OXNAD1: variants seen among roughly 807,000 people sequenced by gnomAD.
The protein encoded by OXNAD1 is oxidoreductase NAD binding domain containing 1, also known as oxidoreductase NAD-binding domain-containing protein 1.
OXNAD1 carries 34 observed loss-of-function variants against 32.9 expected under a neutral mutation model. That is an observed-to-expected ratio of 1.03 (90% CI 0.79 to 1.38). The LOEUF (loss-of-function observed/expected upper bound fraction) is 1.38. OXNAD1 is among the 40% of genes most tolerant of loss of function. The pLI, the probability that OXNAD1 is intolerant of heterozygous loss-of-function variation, is 0.00. For missense variants in OXNAD1, 407 were observed against 379.4 expected (o/e 1.07, Z -0.60); for synonymous variants, 134 against 135.2 (o/e 0.99, Z 0.06).
downstream of OXNAD1, among the ~76,000 whole-genome samples, chr3:16,338,729 A>G (rs1210503784): frequency 6.6e-6 from 1 of 152,226 alleles, no homozygotes; most frequent in Non-Finnish European, 1.5e-5. This position sits in a 1 kb window ranked among gnomAD's most constrained non-coding sequence, Gnocchi z 5.3. Flanking sequence ...CCTATATCAT[A>G]TCTTTAGCCC....
intron 9 of OXNAD1, among the ~76,000 whole-genome samples, chr3:16,333,971 C>T (rs368309475): frequency 8.5e-5 from 13 of 152,254 alleles, no homozygotes; most frequent in East Asian, 5.8e-4. Flanking sequence ...CGAGACCATC[C>T]GGGCTAACAC....
At chr3:16,313,483 G>T (rs1206752223) in intron 9 of OXNAD1, 2 of 152,054 alleles carry the variant, frequency 1.3e-5, no homozygotes, top group Non-Finnish European at 1.5e-5. Flanking sequence ...GGGAGTAGAG[G>T]ATATACTTCC....
chr3:16,350,414 A>G (rs1013473547), downstream of OXNAD1: 2 of 152,170 alleles, frequency 1.3e-5, no homozygotes, highest in Admixed American at 6.5e-5. Flanking sequence ...GGGCATTTCA[A>G]ATTGTTAACA....
intron 4 of OXNAD1, among the ~76,000 whole-genome samples, chr3:16,274,515 A>G (rs115320635): frequency 0.021 from 3,130 of 152,382 alleles, 53 homozygotes; most frequent in South Asian, 0.046. Context: ...AGGATAATGC[A>G]ATAGTTAATG....
rs1427873772 is a variant in OXNAD1 at position 16,322,446 on chromosome 3, T to C, written c.*31-14666T>C. On this transcript the variant is annotated intron_variant, in intron 9 of 9. Transcript: ENST00000435829. The surrounding 1 kb of genome is among the most constrained non-coding windows in gnomAD (Gnocchi z 6.2). ...GAACCAAGCGTGAGGAATGCAGGAG[T>C]GATGCCAGGAGTGAGGAGCCGAGCA... Among the ~76,000 whole-genome samples the C allele has an allele frequency of 3.9e-5, 6 of 152,148 alleles. No homozygotes were observed. In the East Asian group the frequency reaches 1.2e-3, roughly 30 times the overall value.
At chr3:16,295,429 A>C (rs578256933) in intron 6 of OXNAD1, among the ~76,000 whole-genome samples, 10 of 152,272 alleles carry the variant, frequency 6.6e-5, no homozygotes, top group African/African-American at 2.4e-4. Flanking sequence ...AGCACAGCTA[A>C]ATCCACGGTG....
intron 5 of OXNAD1, among the ~76,000 whole-genome samples, chr3:16,292,079 CTCTT>C (rs538520637): frequency 8.5e-4 from 129 of 151,618 alleles, no homozygotes; most frequent in Non-Finnish European, 1.6e-3. Flanking sequence ...ATTTGGTTGT[CTCTT>C]TATTACTGAG....
At chr3:16,341,515 T>C (rs765843568), downstream of OXNAD1, among the ~76,000 whole-genome samples, 1 of 152,210 alleles carries the variant, frequency 6.6e-6, no homozygotes, top group Non-Finnish European at 1.5e-5. This position sits in a 1 kb window ranked among gnomAD's most constrained non-coding sequence, Gnocchi z 4.7. Context: ...TAAATCCATA[T>C]TACTAAGTGA....
rs2069136514 is a variant in OXNAD1 at position 16,322,170 on chromosome 3, G to T, written c.*31-14942G>T. On this transcript the variant is annotated intron_variant, in intron 9 of 9. Transcript: ENST00000435829. The surrounding 1 kb of genome is among the most constrained non-coding windows in gnomAD (Gnocchi z 6.2). ...TCCATCTTCCAGCTGGTGGCTGCCT[G>T]CTCCTGGTGGTTGATGGTGGGCTGG... Among the ~76,000 whole-genome samples, 1 of 152,224 alleles carries T rather than the reference G, an allele frequency of 6.6e-6. No homozygotes were observed. Among genetic ancestry groups the T allele is most frequent in the African/African-American group, 2.4e-5 (1 of 41,460 alleles).
At position 16,345,264 on chromosome 3, in the gene OXNAD1, T is replaced by TTGTGTGTGTGTGTGTGTGTGTGTGTG. The variant is rs10703577; in HGVS notation, c.*31-3900_*31-3875dup. On this transcript the variant is annotated intron_variant, in intron 9 of 9. Transcript: ENST00000606098. This position sits in a 1 kb window ranked among gnomAD's most constrained non-coding sequence, Gnocchi z 5.2. Reference sequence around the variant, plus strand: ...AAACTGTAAGATAATAAGTAGGTGGTTGTGTGTGTGTGTGTGTGTGTGTGT... The same window carrying TTGTGTGTGTGTGTGTGTGTGTGTGTG: ...AAACTGTAAGATAATAAGTAGGTGGTTGTGTGTGTGTGTGTGTGTGTGTGTGTGTGTGTGTGTGTGTGTGTGTGTGT... 215 of 145,918 alleles carry TTGTGTGTGTGTGTGTGTGTGTGTGTG rather than the reference T, an allele frequency of 1.5e-3. 2 individuals carry two copies. The highest frequency in any genetic ancestry group is 5.2e-3 in the African/African-American group (197 of 37,840). 9.0% of individuals were successfully genotyped at this position (145,918 alleles called of 1,614,324 possible).
intron 5 of OXNAD1, among the ~76,000 whole-genome samples, chr3:16,292,361 T>G (rs148880587): frequency 1.3e-5 from 2 of 152,038 alleles, no homozygotes; most frequent in East Asian, 3.9e-4. Flanking sequence ...CCCAGCTAAT[T>G]TTTTTATTTT....
chr3:16,326,878 TG>T, intron 9 of OXNAD1: 2 of 1,612,306 alleles, frequency 1.2e-6, no homozygotes, highest in Non-Finnish European at 1.7e-6. Context: ...TTCGACACCC[TG>T]GGGGAACAAG....
At chr3:16,311,009 A>AG (rs1389525219), downstream of OXNAD1, among the ~76,000 whole-genome samples, 625 of 147,814 alleles carry the variant, frequency 4.2e-3, 3 homozygotes, top group Non-Finnish European at 7.2e-3. Context: ...AAAAAAAAAA[A>AG]AAAAATCATC....
chr3:16,296,159 A>G (rs1365430238), intron 6 of OXNAD1, among the ~76,000 whole-genome samples: 1 of 152,186 alleles, frequency 6.6e-6, no homozygotes, highest in Admixed American at 6.5e-5. Flanking sequence ...CAGGCAAATC[A>G]TGTTTGTAGG....
chr3:16,343,510 G>GTCACTT (rs1461955484), intron 9 of OXNAD1, among the ~76,000 whole-genome samples: 1 of 152,110 alleles, frequency 6.6e-6, no homozygotes, highest in Non-Finnish European at 1.5e-5. Context: ...CCGCATCACT[G>GTCACTT]TCACTTTCAC....
chr3:16,306,276 C>G (rs1473566762), downstream of OXNAD1, among the ~76,000 whole-genome samples: 1 of 152,202 alleles, frequency 6.6e-6, no homozygotes, highest in Non-Finnish European at 1.5e-5. Context: ...GCTTCCATGA[C>G]TAGCAGCATT....
Position 16,271,164 on chromosome 3 carries a change from A to G in OXNAD1, c.119+93A>G. The G allele has an allele frequency of 7.0e-7, 1 of 1,424,164 alleles. No homozygotes were observed. Among genetic ancestry groups the G allele is most frequent in the Non-Finnish European group, 9.6e-7 (1 of 1,038,176 alleles). 88.2% of individuals were successfully genotyped at this position (1,424,164 alleles called of 1,614,324 possible). A position where few individuals can be genotyped will look rare whatever the true frequency, so the allele number is the denominator to read the frequency against. On this transcript the variant is annotated intron_variant, in intron 3 of 8. Transcript: ENST00000285083. The surrounding 1 kb of genome is among the most constrained non-coding windows in gnomAD (Gnocchi z 4.6). ...TGGGAGGCATATCAAACTCCCGGAA[A>G]GGTAACACCTTAGCTTCAATGTGCA...
chr3:16,279,872 C>T (rs1437649807), intron 4 of OXNAD1, among the ~76,000 whole-genome samples: 1 of 152,052 alleles, frequency 6.6e-6, no homozygotes, highest in African/African-American at 2.4e-5. Context: ...GAGACAGGAC[C>T]ATATGTAACT....
In OXNAD1 at chr3:16,326,926, C is replaced by G. The variant is rs563985721; in HGVS notation, c.*31-10186C>G. On this transcript the variant is annotated intron_variant, in intron 9 of 9. Coordinates refer to the OXNAD1 transcript ENST00000435829. ...GGCTGCTGCTGCCACAAGCCAACTCCCAGGCAATGAGAGGGGACTATTCAG... is the reference window on the plus strand; with the variant it reads ...GGCTGCTGCTGCCACAAGCCAACTCGCAGGCAATGAGAGGGGACTATTCAG... 6 of 1,437,562 alleles carry G rather than the reference C, an allele frequency of 4.2e-6. No homozygotes were observed. In the African/African-American group the frequency reaches 8.4e-5, roughly 20 times the overall value. The allele number at this position is 1,437,562 out of a possible 1,614,324, so 89.1% of individuals were successfully genotyped here. A position where few individuals can be genotyped will look rare whatever the true frequency, so the allele number is the denominator to read the frequency against.
Sources: allele counts gnomAD v4.1 joint callset (sites outside exome capture counted in the v4.1 genomes callset), GRCh38; gene constraint gnomAD v4.1.1; non-coding constraint Gnocchi (gnomAD v3.1); transcripts MANE v1.5; gene names NCBI Gene and HGNC (gene_info 2026-07-23, HGNC 2026-07-21).